Variants in TRAPPC9 observed in about 807,000 individuals in gnomAD.
TRAPPC9 encodes trafficking protein particle complex subunit 9, also known as IKK2 binding protein.
In TRAPPC9, 83 loss-of-function variants were observed where a neutral mutation model predicts 124.0. That is an observed-to-expected ratio of 0.67 (90% CI 0.56 to 0.80). The LOEUF (loss-of-function observed/expected upper bound fraction) is 0.80, where lower values mean the gene tolerates loss of function less well. Ranked by LOEUF, TRAPPC9 falls within the 30% of genes least tolerant of loss-of-function variation. The probability of loss-of-function intolerance (pLI) is 0.00; values close to 1 mark genes in which losing one functional copy is unlikely to be tolerated. For synonymous variants in TRAPPC9, 638 were observed against 617.5 expected (o/e 1.03, Z -0.49); for missense variants, 1,302 against 1,508.3 (o/e 0.86, Z 2.27).
At chr8:140,090,255 T>C (rs1844475318) in intron 17 of TRAPPC9, among the ~76,000 whole-genome samples, 1 of 152,100 alleles carries the variant, frequency 6.6e-6, no homozygotes, top group Non-Finnish European at 1.5e-5. Context: ...AATATGGAAA[T>C]ATTCACACCA....
At chr8:140,116,201 G>A (rs747990392) in intron 17 of TRAPPC9, among the ~76,000 whole-genome samples, 2 of 152,170 alleles carry the variant, frequency 1.3e-5, no homozygotes, top group Admixed American at 6.5e-5. Flanking sequence ...TTAAGGCAAT[G>A]AGGAATAACG....
intron 17 of TRAPPC9, among the ~76,000 whole-genome samples, chr8:140,169,102 T>C (rs967852608): frequency 1.3e-5 from 2 of 150,880 alleles, no homozygotes; most frequent in Non-Finnish European, 2.9e-5. Context: ...AGCCTGTACA[T>C]CTCTGAGGAA....
chr8:140,367,452 C>T (rs190879103), intron 8 of TRAPPC9, among the ~76,000 whole-genome samples: 9 of 152,230 alleles, frequency 5.9e-5, no homozygotes, highest in African/African-American at 2.2e-4. Context: ...ATGTATATTA[C>T]TAAGAGAAAG....
At chr8:140,431,629 C>T (rs1404487664) in intron 4 of TRAPPC9, among the ~76,000 whole-genome samples, 1 of 152,144 alleles carries the variant, frequency 6.6e-6, no homozygotes, top group Non-Finnish European at 1.5e-5. Flanking sequence ...ATGACTGCCA[C>T]GCTAAACATT....
intron 21 of TRAPPC9, among the ~76,000 whole-genome samples, chr8:139,849,012 G>A (rs529628620): frequency 2.0e-5 from 3 of 152,170 alleles, no homozygotes; most frequent in Admixed American, 6.5e-5. Context: ...GTGACTTCCC[G>A]GCCCCCTGAT....
intron 19 of TRAPPC9, among the ~76,000 whole-genome samples, chr8:139,939,288 A>G (rs979163731): frequency 6.6e-6 from 1 of 152,132 alleles, no homozygotes; most frequent in Non-Finnish European, 1.5e-5. Flanking sequence ...GAGGTCAAGG[A>G]GCATAGGAGC....
intron 17 of TRAPPC9, among the ~76,000 whole-genome samples, chr8:140,065,391 C>G (rs1039008057): frequency 6.6e-6 from 1 of 152,216 alleles, no homozygotes; most frequent in Non-Finnish European, 1.5e-5. Flanking sequence ...GATGGCTACA[C>G]TAAACAACAG....
intron 19 of TRAPPC9, among the ~76,000 whole-genome samples, chr8:139,962,607 A>G (rs2131566430): frequency 8.1e-6 from 1 of 124,176 alleles, no homozygotes; most frequent in South Asian, 2.7e-4. Flanking sequence ...GGTGCCAGAC[A>G]TCAGTCCCAA....
chr8:140,229,339 T>C (rs1455643591), intron 16 of TRAPPC9, among the ~76,000 whole-genome samples: 1 of 139,296 alleles, frequency 7.2e-6, no homozygotes, highest in African/African-American at 2.8e-5. Flanking sequence ...CTCGGCTCAC[T>C]GCAATCTCCA....
chr8:140,190,184 G>C (rs751251446), intron 17 of TRAPPC9, among the ~76,000 whole-genome samples: 1 of 152,162 alleles, frequency 6.6e-6, no homozygotes, highest in Non-Finnish European at 1.5e-5. Context: ...GGCCAGGCGC[G>C]GTAGCTCACG....
In TRAPPC9 at chr8:140,435,252, GAAAACAA is replaced by G. The variant is rs754546563; in HGVS notation, c.731-19_731-13del. ...TCCTTCCAGGGCAGCTGGGCATTAAGAAAACAAAAAACAAAAACCAGAAAACAAAAAA... is the reference window on the plus strand; with the variant it reads ...TCCTTCCAGGGCAGCTGGGCATTAAGAAAACAAAAACCAGAAAACAAAAAA... On this transcript the variant is annotated splice_polypyrimidine_tract_variant and intron_variant, in intron 3 of 22. Coordinates refer to ENST00000438773, the MANE Select transcript of TRAPPC9 (RefSeq NM_001160372.4). 4 of 132,132 alleles carry G rather than the reference GAAAACAA, an allele frequency of 3.0e-5. No homozygotes were observed. Among genetic ancestry groups the G allele is most frequent in the Non-Finnish European group, 3.7e-5 (4 of 106,670 alleles). 8.2% of individuals were successfully genotyped at this position (132,132 alleles called of 1,614,324 possible). A position where few individuals can be genotyped will look rare whatever the true frequency, so the allele number is the denominator to read the frequency against.
intron 18 of TRAPPC9, among the ~76,000 whole-genome samples, chr8:139,997,587 AG>A (rs1838100992): frequency 2.8e-5 from 4 of 143,282 alleles, no homozygotes; most frequent in Admixed American, 6.8e-5. Flanking sequence ...CATCCTACCC[AG>A]GGGAGACAAT....
intron 21 of TRAPPC9, among the ~76,000 whole-genome samples, chr8:139,827,422 G>A (rs1306629510): frequency 2.6e-5 from 4 of 152,368 alleles, no homozygotes; most frequent in African/African-American, 9.6e-5. Flanking sequence ...AGCTTCTGAA[G>A]ACACCACGGC....
At chr8:139,823,302 G>T (rs1825382659) in intron 21 of TRAPPC9, among the ~76,000 whole-genome samples, 1 of 151,966 alleles carries the variant, frequency 6.6e-6, no homozygotes, top group African/African-American at 2.4e-5. Context: ...GAAAGAGTGT[G>T]ATTTTAAGTG....
chr8:140,016,193 C>T (rs1470901916), intron 18 of TRAPPC9, among the ~76,000 whole-genome samples: 1 of 152,214 alleles, frequency 6.6e-6, no homozygotes, highest in African/African-American at 2.4e-5. Context: ...TTAAAATTTA[C>T]ATACAACGAA....
chr8:140,278,121 T>C (rs1394109494), intron 14 of TRAPPC9, among the ~76,000 whole-genome samples: 2 of 151,986 alleles, frequency 1.3e-5, no homozygotes, highest in East Asian at 1.9e-4. Flanking sequence ...TTTTTTTTTT[T>C]TTGAGATAGT....
chr8:139,755,164 G>C (rs1050246829), intron 21 of TRAPPC9, among the ~76,000 whole-genome samples: 3 of 152,264 alleles, frequency 2.0e-5, no homozygotes, highest in Non-Finnish European at 2.9e-5. Flanking sequence ...GTGCTGGTGT[G>C]GCACCTGGCA....
rs1464195517 is a variant in TRAPPC9, at chr8:140,324,126, G to A, written c.1496-12752C>T. Among the ~76,000 whole-genome samples, 7 of 151,922 alleles carry A rather than the reference G, an allele frequency of 4.6e-5. No homozygotes were observed. In the East Asian group the frequency reaches 5.8e-4, roughly 13 times the overall value. ...TCCTTACAGCTTAGATCCCACTTAC[G>A]AGTGAGAACATACGATGTTTGATTT... On this transcript the variant is annotated intron_variant, in intron 9 of 22. Transcript: ENST00000438773.
intron 17 of TRAPPC9, among the ~76,000 whole-genome samples, chr8:140,044,116 G>T (rs1026947420): frequency 6.6e-6 from 1 of 152,016 alleles, no homozygotes; most frequent in South Asian, 2.1e-4. Context: ...CAAGGTAGAC[G>T]GTCAAGCCAA....
Sources: allele counts gnomAD v4.1 joint callset (sites outside exome capture counted in the v4.1 genomes callset), GRCh38; gene constraint gnomAD v4.1.1; transcripts MANE v1.5; gene names NCBI Gene and HGNC (gene_info 2026-07-23, HGNC 2026-07-21).